Variants in ZNF536 observed in about 807,000 individuals in gnomAD.
ZNF536 encodes the protein zinc finger protein 536.
ZNF536 carries 13 observed loss-of-function variants against 84.5 expected under a neutral mutation model. The ratio of observed to expected loss-of-function variants is 0.15; its 90% CI spans 0.10 to 0.24. The LOEUF is 0.24. Ranked by LOEUF, ZNF536 falls within the 10% of genes least tolerant of loss-of-function variation. ZNF536 has a pLI of 1.00. For missense variants in ZNF536, 1,536 were observed against 1,747.5 expected (o/e 0.88, Z 2.16); for synonymous variants, 811 against 742.5 (o/e 1.09, Z -1.50).
intron 1 of ZNF536, among the ~76,000 whole-genome samples, chr19:30,651,249 T>A (rs936435791): frequency 1.6e-4 from 25 of 152,332 alleles, no homozygotes; most frequent in African/African-American, 5.5e-4. Context: ...GAGGTGCCTG[T>A]ATTTCCTAGA....
At chr19:30,415,039 T>C (rs1480945793) in intron 1 of ZNF536, among the ~76,000 whole-genome samples, 1 of 151,990 alleles carries the variant, frequency 6.6e-6, no homozygotes, top group Non-Finnish European at 1.5e-5. Context: ...CTTTTCCTCC[T>C]CCTCCTCCTT....
chr19:30,517,870 T>A (rs2145648738), intron 2 of ZNF536, among the ~76,000 whole-genome samples: 2 of 152,282 alleles, frequency 1.3e-5, no homozygotes, highest in Middle Eastern at 6.8e-3. Flanking sequence ...TGCATCTCAA[T>A]TAGAGTCCTC....
intron 1 of ZNF536, among the ~76,000 whole-genome samples, chr19:30,653,849 C>T (rs185926045): frequency 3.0e-4 from 46 of 152,334 alleles, no homozygotes; most frequent in Non-Finnish European, 5.6e-4. Context: ...GGTCACTTCC[C>T]TGGCACACAC....
intron 2 of ZNF536, among the ~76,000 whole-genome samples, chr19:30,523,084 T>C (rs1027791983): frequency 6.6e-6 from 1 of 152,046 alleles, no homozygotes; most frequent in African/African-American, 2.4e-5. Context: ...AAGGATCATG[T>C]CCCCTCATGC....
At position 30,444,519 on chromosome 19, in the gene ZNF536, G is replaced by T. The variant is rs77357847; in HGVS notation, c.957G>T (p.Val319=). 1.8e-3 allele frequency: 2,932 copies of T among 1,612,772 alleles called. 33 individuals are homozygous for T. The African/African-American group carries it at 0.028, about 15-fold the overall frequency. The change falls in exon 2 of 5, where the codon GTG becomes GTT. Residue 319 remains valine (V), a synonymous_variant. Coordinates refer to ENST00000355537, the MANE Select transcript of ZNF536 (RefSeq NM_014717.3). ...AGGAGGAGGAGCTCATCAGCCACGT[G>T]GAGAAGGCACACATCACGGCCGAGT... ...ASQEEELISH[V]EKAHITAESA... is the part of the protein sequence containing the mutation.
chr19:30,250,392 A>T (rs1475763391), intron 1 of ZNF536, among the ~76,000 whole-genome samples: 1 of 152,224 alleles, frequency 6.6e-6, no homozygotes, highest in Non-Finnish European at 1.5e-5. Flanking sequence ...GTGGTGACAC[A>T]TGCAGGCTGA....
chr19:30,399,185 T>G (rs1291612181), intron 1 of ZNF536, among the ~76,000 whole-genome samples: 1 of 152,252 alleles, frequency 6.6e-6, no homozygotes, highest in African/African-American at 2.4e-5. Context: ...GAGCTTTTTT[T>G]CATATGTTTG....
intron 1 of ZNF536, among the ~76,000 whole-genome samples, chr19:30,413,678 A>G (rs1425225786): frequency 1.3e-5 from 2 of 152,194 alleles, no homozygotes; most frequent in Non-Finnish European, 2.9e-5. Flanking sequence ...TTAGTTTTGC[A>G]TTACATTACC....
In ZNF536 at chr19:30,630,399, CCG is replaced by C. The variant is rs1491396508; in HGVS notation, c.170-80357_170-80356del. Among the ~76,000 whole-genome samples the C allele has an allele frequency of 7.9e-3, 475 of 59,764 alleles. 1 individual carries two copies. Among genetic ancestry groups the C allele is most frequent in the African/African-American group, 0.022 (430 of 19,726 alleles). The allele number at this position is 59,764 out of a possible 152,430, so 39.2% of individuals were successfully genotyped here. ...CAATCCTCATTCTCCAGGAAGTATC[CCG>C]TGTGTGTGTGTGTGTGTGTGTGTGT... On this transcript the variant is annotated intron_variant, in intron 1 of 1. Coordinates refer to the ZNF536 transcript ENST00000592773.
chr19:30,471,755 G>T lies in ZNF536; in HGVS notation c.2170+26023G>T, dbSNP rs116763718. On this transcript the variant is annotated intron_variant, in intron 2 of 4. Coordinates refer to ENST00000355537, the MANE Select transcript of ZNF536 (RefSeq NM_014717.3). ...GGTAACATGAAAAACTTGACCGGAG[G>T]TCTGCCTGGATAGAGAGAGAATGGT... 1.8e-3 allele frequency among the ~76,000 whole-genome samples: 268 copies of T among 152,390 alleles called. 3 individuals carry two copies. The highest frequency in any genetic ancestry group is 5.9e-3 in the African/African-American group (246 of 41,594).
At chr19:30,500,337 A>G (rs1213460244) in intron 2 of ZNF536, among the ~76,000 whole-genome samples, 1 of 151,178 alleles carries the variant, frequency 6.6e-6, no homozygotes, top group African/African-American at 2.4e-5. Context: ...TGTGTCTAGA[A>G]TCTCAGCAAG....
chr19:30,349,480 C>G (rs1402049664), intron 2 of ZNF536, among the ~76,000 whole-genome samples: 1 of 152,184 alleles, frequency 6.6e-6, no homozygotes, highest in East Asian at 1.9e-4. Context: ...CTCCAAGAAG[C>G]CAAGCTCAGG....
intron 1 of ZNF536, among the ~76,000 whole-genome samples, chr19:30,436,689 A>G (rs1430670205): frequency 1.3e-5 from 2 of 152,234 alleles, no homozygotes; most frequent in Non-Finnish European, 2.9e-5. Flanking sequence ...ATAGTATTTA[A>G]TACGAAGCCA....
At chr19:30,302,935 T>C (rs2046232468) in intron 2 of ZNF536, among the ~76,000 whole-genome samples, 1 of 152,234 alleles carries the variant, frequency 6.6e-6, no homozygotes, top group Non-Finnish European at 1.5e-5. Flanking sequence ...TACCCCCTGC[T>C]GAACTATAAA....
At chr19:30,570,834 C>T (rs756352786) in intron 1 of ZNF536, among the ~76,000 whole-genome samples, 9 of 152,146 alleles carry the variant, frequency 5.9e-5, no homozygotes, top group Non-Finnish European at 1.2e-4. Flanking sequence ...AAATAGCGTT[C>T]GCTGCTGATA....
At chr19:30,562,554 T>G (rs988764226), downstream of ZNF536, among the ~76,000 whole-genome samples, 2 of 152,212 alleles carry the variant, frequency 1.3e-5, no homozygotes, top group Admixed American at 6.5e-5. Context: ...TTCTCTTTTA[T>G]TTTTCAACCT....
chr19:30,229,035 C>T (rs2022809206), intron 1 of ZNF536, among the ~76,000 whole-genome samples: 1 of 151,980 alleles, frequency 6.6e-6, no homozygotes, highest in Admixed American at 6.6e-5. Context: ...TGCGAGCGAG[C>T]GGGGCCGGCT....
chr19:30,606,199 A>T (rs867307485), intron 1 of ZNF536, among the ~76,000 whole-genome samples: 6 of 123,164 alleles, frequency 4.9e-5, no homozygotes, highest in African/African-American at 1.5e-4. Flanking sequence ...TAAAATAATA[A>T]AATAAAATAA....
At chr19:30,511,653 C>T (rs1487725952) in intron 2 of ZNF536, among the ~76,000 whole-genome samples, 3 of 152,130 alleles carry the variant, frequency 2.0e-5, no homozygotes, top group African/African-American at 7.2e-5. Context: ...CCACAGCAGA[C>T]ATTAAAGTGT....
Sources: allele counts gnomAD v4.1 joint callset (sites outside exome capture counted in the v4.1 genomes callset), GRCh38; gene constraint gnomAD v4.1.1; transcripts MANE v1.5; gene names NCBI Gene and HGNC (gene_info 2026-07-23, HGNC 2026-07-21).